Variants in SCMH1 observed in about 807,000 individuals in gnomAD.
SCMH1 encodes the protein Scm polycomb group protein homolog 1.
SCMH1 carries 37 observed loss-of-function variants against 70.8 expected under a neutral mutation model. The ratio of observed to expected loss-of-function variants is 0.52; its 90% CI spans 0.40 to 0.69. SCMH1 has a LOEUF of 0.69. Ranked by LOEUF, SCMH1 falls within the 30% of genes least tolerant of loss-of-function variation. The probability of loss-of-function intolerance (pLI) is 0.00; values close to 1 mark genes in which losing one functional copy is unlikely to be tolerated. For missense variants in SCMH1, 607 were observed against 827.3 expected, an observed-to-expected ratio of 0.73 and a Z score of 3.27; for synonymous variants, 292 against 307.4, an observed-to-expected ratio of 0.95 and a Z score of 0.52.
At chr1:41,153,423 T>G (rs1368037849) in intron 4 of SCMH1, among the ~76,000 whole-genome samples, 1 of 152,246 alleles carries the variant, frequency 6.6e-6, no homozygotes, top group Admixed American at 6.5e-5. Flanking sequence ...CAGTCCTGGG[T>G]AACTGCTTAT....
At chr1:41,044,228 G>A (rs1646615051) in intron 12 of SCMH1, among the ~76,000 whole-genome samples, 1 of 152,124 alleles carries the variant, frequency 6.6e-6, no homozygotes, top group Non-Finnish European at 1.5e-5. Context: ...GGGCCAGTAA[G>A]CACCCAGATA....
chr1:41,084,343 A>C (rs1269990391), intron 8 of SCMH1, among the ~76,000 whole-genome samples: 8 of 152,248 alleles, frequency 5.3e-5, no homozygotes, highest in African/African-American at 9.6e-5. Context: ...TCTCAAAAGA[A>C]GACATTTATG....
chr1:41,032,710 T>C (rs992690090), intron 13 of SCMH1, among the ~76,000 whole-genome samples: 4 of 152,162 alleles, frequency 2.6e-5, no homozygotes, highest in African/African-American at 7.2e-5. Context: ...CCAGGCATGG[T>C]GGATCATGCC....
At chr1:41,101,023 C>T (rs1379104397) in intron 8 of SCMH1, among the ~76,000 whole-genome samples, 2 of 143,618 alleles carry the variant, frequency 1.4e-5, no homozygotes, top group Non-Finnish European at 3.0e-5. Context: ...GTTGGGGAGG[C>T]GGGGAGAAAA....
intron 4 of SCMH1, chr1:41,152,518 C>T (rs1645156485): frequency 9.8e-6 from 14 of 1,435,238 alleles, no homozygotes; most frequent in Admixed American, 1.8e-5. Flanking sequence ...ACATTTGATA[C>T]AGACCTCATT....
intron 10 of SCMH1, among the ~76,000 whole-genome samples, chr1:41,062,285 A>G (rs1652942295): frequency 6.6e-6 from 1 of 152,234 alleles, no homozygotes; most frequent in Non-Finnish European, 1.5e-5. Flanking sequence ...AGGTCAAAGA[A>G]GAAATAACAA....
chr1:41,089,806 T>TTTTTTTTTTTTTTTTG (rs1662857099), intron 8 of SCMH1, among the ~76,000 whole-genome samples: 1 of 137,332 alleles, frequency 7.3e-6, no homozygotes, highest in Admixed American at 7.3e-5. Flanking sequence ...TTTTTTTTTT[T>TTTTTTTTTTTTTTTTG]TTTGAGACAG....
At chr1:41,060,880 C>G (rs113252657) in intron 10 of SCMH1, among the ~76,000 whole-genome samples, 4 of 152,154 alleles carry the variant, frequency 2.6e-5, no homozygotes, top group African/African-American at 9.6e-5. Context: ...GACCTTGTTG[C>G]CAAGGTCTTG....
chr1:41,080,641 A>G (rs1200185375), intron 8 of SCMH1, among the ~76,000 whole-genome samples: 1 of 152,174 alleles, frequency 6.6e-6, no homozygotes, highest in East Asian at 1.9e-4. Flanking sequence ...CGCTGAACAC[A>G]TACATTCACT....
At chr1:41,063,592 AAAC>A (rs1485550150) in intron 10 of SCMH1, among the ~76,000 whole-genome samples, 6 of 152,128 alleles carry the variant, frequency 3.9e-5, no homozygotes, top group South Asian at 4.1e-4. Flanking sequence ...CAAAAAAACA[AAAC>A]AAACAACCAG....
In SCMH1 at chr1:41,079,562, C is replaced by G. The variant is rs193056060; in HGVS notation, c.746-4111G>C. 2.6e-5 allele frequency among the ~76,000 whole-genome samples: 4 copies of G among 152,272 alleles called. No individual in the cohort carries two copies. The South Asian group carries it at 8.3e-4, about 32-fold the overall frequency. ...CTAATAAATATAGAATACGCAGAGA[C>G]AATTTCATCATAGATCCATCAGACA... is the stretch of plus-strand genomic sequence containing the variant. On this transcript the variant is annotated intron_variant, in intron 8 of 14. Coordinates refer to ENST00000337495, the Ensembl canonical transcript of SCMH1.
At chr1:41,185,770 G>A (rs1028213123) in intron 2 of SCMH1, among the ~76,000 whole-genome samples, 1 of 151,614 alleles carries the variant, frequency 6.6e-6, no homozygotes, top group Non-Finnish European at 1.5e-5. Context: ...CAAGTAGCTG[G>A]GATTACAGGC....
At chr1:41,095,139 T>C (rs1664741735) in intron 8 of SCMH1, among the ~76,000 whole-genome samples, 1 of 152,242 alleles carries the variant, frequency 6.6e-6, no homozygotes, top group Non-Finnish European at 1.5e-5. Flanking sequence ...ACTATGTTGT[T>C]ATGTCCACAT....
chr1:41,133,961 C>T (rs1185307848), intron 6 of SCMH1, among the ~76,000 whole-genome samples: 2 of 152,230 alleles, frequency 1.3e-5, no homozygotes, highest in African/African-American at 4.8e-5. Context: ...TATACCAAAG[C>T]GTAGCAGAGA....
chr1:41,172,843 C>G (rs1310197657), intron 2 of SCMH1, among the ~76,000 whole-genome samples: 2 of 152,106 alleles, frequency 1.3e-5, no homozygotes, highest in East Asian at 3.9e-4. Context: ...GGGGAAGGGA[C>G]AGTCTCCTCA....
At chr1:41,109,109 G>A (rs952780247) in intron 8 of SCMH1, among the ~76,000 whole-genome samples, 9 of 152,184 alleles carry the variant, frequency 5.9e-5, no homozygotes, top group Non-Finnish European at 8.8e-5. Flanking sequence ...GTCCTGACAG[G>A]TGGCTCTACT....
intron 4 of SCMH1, among the ~76,000 whole-genome samples, chr1:41,158,252 G>A (rs1272882782): frequency 6.6e-6 from 1 of 152,210 alleles, no homozygotes; most frequent in Non-Finnish European, 1.5e-5. Context: ...ACATATAACT[G>A]TAATCAAAAT....
intron 8 of SCMH1, among the ~76,000 whole-genome samples, chr1:41,106,768 C>T (rs1218882253): frequency 1.3e-5 from 2 of 151,868 alleles, no homozygotes; most frequent in East Asian, 3.9e-4. Flanking sequence ...CAGCTCACTG[C>T]AACCTCTGCC....
intron 2 of SCMH1, among the ~76,000 whole-genome samples, chr1:41,163,626 A>T (rs1001653733): frequency 4.6e-5 from 7 of 152,248 alleles, no homozygotes; most frequent in Non-Finnish European, 8.8e-5. Context: ...AATATCATGT[A>T]ATCAACAGAG....
Sources: allele counts gnomAD v4.1 joint callset (sites outside exome capture counted in the v4.1 genomes callset), GRCh38; gene constraint gnomAD v4.1.1; transcripts MANE v1.5; gene names NCBI Gene and HGNC (gene_info 2026-07-23, HGNC 2026-07-21).